Variants in MYPN observed in about 807,000 individuals in gnomAD.
The protein encoded by MYPN is myopalladin.
Under a neutral mutation model 129.4 loss-of-function variants are expected in MYPN, and 63 were observed. The observed-to-expected ratio is 0.49, with a 90% CI of 0.40 to 0.60. The LOEUF is 0.60. MYPN is among the 20% of genes least tolerant of loss of function. MYPN has a pLI of 0.00. For missense variants in MYPN, 1,596 were observed against 1,635.4 expected, an observed-to-expected ratio of 0.98 and a Z score of 0.42; for synonymous variants, 629 against 600.9, an observed-to-expected ratio of 1.05 and a Z score of -0.68.
At chr10:68,152,954 GTTATT>G (rs1182665350) in intron 6 of MYPN, among the ~76,000 whole-genome samples, 38 of 148,790 alleles carry the variant, frequency 2.6e-4, no homozygotes, top group African/African-American at 3.7e-4. Flanking sequence ...TTTATTTTAT[GTTATT>G]TTATTTTATT....
intron 12 of MYPN, among the ~76,000 whole-genome samples, chr10:68,180,631 G>A (rs2043300063): frequency 6.6e-6 from 1 of 152,218 alleles, no homozygotes; most frequent in South Asian, 2.1e-4. Context: ...CTTTGAGCAG[G>A]TCTTCTAGCT....
At chr10:68,113,130 A>T (rs1470295592) in intron 1 of MYPN, among the ~76,000 whole-genome samples, 1 of 152,222 alleles carries the variant, frequency 6.6e-6, no homozygotes, top group Admixed American at 6.5e-5. Flanking sequence ...ATCACCAGCA[A>T]AAGGTCACCT....
At chr10:68,127,479 C>A (rs1037063830) in intron 2 of MYPN, among the ~76,000 whole-genome samples, 6 of 151,582 alleles carry the variant, frequency 4.0e-5, no homozygotes, top group African/African-American at 1.5e-4. Flanking sequence ...GGATTACAGG[C>A]ACGTGCCACC....
At chr10:68,158,398 C>A in intron 6 of MYPN, 88 bp from the exon 7 acceptor site, 1 of 1,265,990 alleles carries the variant, frequency 7.9e-7, no homozygotes, top group Non-Finnish European at 1.1e-6. Context: ...AATATGGAGA[C>A]GGCATCTTTT....
chr10:68,182,428 C>CATATATATATATA (rs201534383), intron 12 of MYPN, among the ~76,000 whole-genome samples: 1 of 92,312 alleles, frequency 1.1e-5, no homozygotes, highest in Non-Finnish European at 2.4e-5. Context: ...ATATATATAA[C>CATATATATATATA]ACATATATAT....
chr10:68,208,154 G>GT (rs1024663977), intron 19 of MYPN, among the ~76,000 whole-genome samples: 48 of 152,116 alleles, frequency 3.2e-4, no homozygotes, highest in Non-Finnish European at 5.4e-4. Flanking sequence ...CAAAAGAGTG[G>GT]TTTTTTTAAT....
At chr10:68,183,648 G>T (rs565881573) in intron 12 of MYPN, among the ~76,000 whole-genome samples, 1 of 152,328 alleles carries the variant, frequency 6.6e-6, no homozygotes, top group Non-Finnish European at 1.5e-5. Flanking sequence ...AGGGGCTAGA[G>T]GTGGTATGGA....
intron 6 of MYPN, among the ~76,000 whole-genome samples, chr10:68,154,458 G>C (rs1257791711): frequency 1.3e-5 from 2 of 152,218 alleles, no homozygotes; most frequent in Admixed American, 1.3e-4. Context: ...AACTGGGCCG[G>C]TAGTGGGATC....
At chr10:68,192,381 G>A (rs191000975) in intron 13 of MYPN, among the ~76,000 whole-genome samples, 241 of 152,260 alleles carry the variant, frequency 1.6e-3, no homozygotes, top group Non-Finnish European at 2.7e-3. Flanking sequence ...TTTTCGATGT[G>A]TTGTTGAATT....
At chr10:68,103,765 C>A (rs561850659), upstream of MYPN, among the ~76,000 whole-genome samples, 1 of 152,136 alleles carries the variant, frequency 6.6e-6, no homozygotes, top group Non-Finnish European at 1.5e-5. Context: ...GCCTGACTAA[C>A]GTGGTGAAAC....
intron 1 of MYPN, among the ~76,000 whole-genome samples, chr10:68,121,001 G>A (rs1425782733): frequency 6.6e-6 from 1 of 152,142 alleles, no homozygotes; most frequent in Non-Finnish European, 1.5e-5. Context: ...AAAAGGGGGA[G>A]GGCACAGTGG....
chr10:68,115,441 C>T (rs1006504182), intron 1 of MYPN, among the ~76,000 whole-genome samples: 11 of 152,122 alleles, frequency 7.2e-5, no homozygotes, highest in Non-Finnish European at 1.3e-4. Context: ...CTTTCTTTCA[C>T]ATCCCACTTT....
intron 4 of MYPN, among the ~76,000 whole-genome samples, 185 bp from the exon 5 acceptor site, chr10:68,148,168 G>C (rs117774989): frequency 1.3e-5 from 2 of 152,100 alleles, no homozygotes; most frequent in Non-Finnish European, 2.9e-5. Flanking sequence ...ATGCATTTTC[G>C]TGTTTGCATT....
intron 5 of MYPN, among the ~76,000 whole-genome samples, chr10:68,149,031 G>A (rs552784733): frequency 9.9e-5 from 15 of 152,086 alleles, no homozygotes; most frequent in African/African-American, 2.7e-4. Flanking sequence ...TTTGAGACCC[G>A]TCTGGGCAAC....
chr10:68,147,768 T>C (rs904849406), intron 4 of MYPN, among the ~76,000 whole-genome samples: 1 of 152,164 alleles, frequency 6.6e-6, no homozygotes. Flanking sequence ...ACAACAAAAC[T>C]AAAATAATCT....
At chr10:68,173,941 A>G (rs1404038710) in intron 10 of MYPN, 125 bp from the exon 11 acceptor site, 1 of 817,666 alleles carries the variant, frequency 1.2e-6, no homozygotes, top group Admixed American at 1.9e-5. Context: ...TGCTGGGATT[A>G]CAGGCATGAG....
In MYPN at chr10:68,211,261, TA is replaced by T; in HGVS notation, c.*811del. On this transcript the variant is annotated 3_prime_UTR_variant, in exon 20 of 20. Coordinates refer to ENST00000358913, the MANE Select transcript of MYPN (RefSeq NM_032578.4). ...AAAGAAATCCTCTGTGGGGTCACTT[TA>T]AAAACTACTAGCTTCAACTACCACT... 1 of 453,992 alleles carries T rather than the reference TA, an allele frequency of 2.2e-6. No homozygotes were observed. Among genetic ancestry groups the T allele is most frequent in the South Asian group, 1.6e-5 (1 of 64,468 alleles). The allele number at this position is 453,992 out of a possible 1,614,324, so 28.1% of individuals were successfully genotyped here.
At chr10:68,153,498 G>A (rs904994820) in intron 6 of MYPN, among the ~76,000 whole-genome samples, 9 of 152,180 alleles carry the variant, frequency 5.9e-5, no homozygotes, top group African/African-American at 2.2e-4. Flanking sequence ...GCTTCATGGT[G>A]GGAAAATGGT....
chr10:68,202,027 A>T, intron 18 of MYPN, 33 bp downstream of exon 18: 2 of 1,612,952 alleles, frequency 1.2e-6, no homozygotes, highest in Non-Finnish European at 1.7e-6. Flanking sequence ...AGGGACTCCC[A>T]CTCTCAGTGG....
Sources: gnomAD v4.1 joint callset for allele counts (sites outside exome capture counted in the v4.1 genomes callset) on GRCh38, gnomAD v4.1.1 for gene constraint, MANE v1.5 for transcripts, NCBI Gene and HGNC (gene_info 2026-07-23, HGNC 2026-07-21) for gene names.